Variants in HECW2 observed in about 807,000 individuals in gnomAD.
The protein encoded by HECW2 is HECT, C2 and WW domain containing E3 ubiquitin protein ligase 2.
In HECW2, 61 loss-of-function variants were observed where a neutral mutation model predicts 175.2. That is an observed-to-expected ratio of 0.35 (90% CI 0.28 to 0.43). HECW2 has a LOEUF of 0.43. Among genes scored for constraint, HECW2 ranks in the 20% least tolerant of loss-of-function variants. The pLI, the probability that HECW2 is intolerant of heterozygous loss-of-function variation, is 1.00. For synonymous variants in HECW2, 671 were observed against 731.0 expected, an observed-to-expected ratio of 0.92 and a Z score of 1.32; for missense variants, 1,524 against 2,000.5, an observed-to-expected ratio of 0.76 and a Z score of 4.54.
At chr2:196,561,008 A>G (rs773185470) in intron 1 of HECW2, among the ~76,000 whole-genome samples, 4 of 152,210 alleles carry the variant, frequency 2.6e-5, no homozygotes, top group Non-Finnish European at 4.4e-5. Context: ...GAATAGGATA[A>G]CAGCGATGTT....
chr2:196,219,958 C>A, intron 26 of HECW2, 81 bp downstream of exon 26: 1 of 885,146 alleles, frequency 1.1e-6, no homozygotes, highest in Non-Finnish European at 1.9e-6. Context: ...TGTTGCCTGT[C>A]CTATATTCAG....
At chr2:196,437,611 CA>C (rs59563276) in intron 1 of HECW2, among the ~76,000 whole-genome samples, 8 of 55,786 alleles carry the variant, frequency 1.4e-4, no homozygotes, top group Admixed American at 6.3e-4. Context: ...GACTCTGTCT[CA>C]AAAAAAAAAA....
At chr2:196,440,533 T>G (rs754385830) in intron 1 of HECW2, among the ~76,000 whole-genome samples, 1 of 152,180 alleles carries the variant, frequency 6.6e-6, no homozygotes, top group Non-Finnish European at 1.5e-5. Flanking sequence ...AATTTGAGTT[T>G]TAGCTACCCT....
intron 1 of HECW2, among the ~76,000 whole-genome samples, chr2:196,585,324 T>C (rs1690935709): frequency 6.6e-6 from 1 of 152,220 alleles, no homozygotes; most frequent in Admixed American, 6.5e-5. Context: ...TAAGGTTCAA[T>C]GAATAATGCA....
intron 2 of HECW2, among the ~76,000 whole-genome samples, chr2:196,364,908 G>T (rs536318334): frequency 6.6e-6 from 1 of 152,284 alleles, no homozygotes; most frequent in East Asian, 1.9e-4. Flanking sequence ...GAAGGGATGA[G>T]GCTGGTGAAG....
rs1686646306 is a variant in HECW2, at chr2:196,195,171, T to C, written c.*6106A>G. On this transcript the variant is annotated 3_prime_UTR_variant, in exon 29 of 29. Transcript: ENST00000644978. ...AGGGTCCTAAAAGAACATCCCATTC[T>C]GTGTTAATTCCTGGTTAATCCTTCC... The C allele has an allele frequency of 6.6e-6, 1 of 152,242 alleles. No individual in the cohort carries two copies. The highest frequency in any genetic ancestry group is 2.4e-5 in the African/African-American group (1 of 41,466). 9.4% of individuals were successfully genotyped at this position (152,242 alleles called of 1,614,324 possible). A position where few individuals can be genotyped will look rare whatever the true frequency, so the allele number is the denominator to read the frequency against.
intron 28 of HECW2, among the ~76,000 whole-genome samples, chr2:196,201,763 G>A (rs1472406995): frequency 6.6e-6 from 1 of 151,980 alleles, no homozygotes; most frequent in African/African-American, 2.4e-5. Context: ...GCCTTGCAAA[G>A]TAGTTCATTT....
intron 21 of HECW2, among the ~76,000 whole-genome samples, chr2:196,237,753 T>C (rs1373566456): frequency 6.6e-6 from 1 of 152,256 alleles, no homozygotes; most frequent in Admixed American, 6.5e-5. Flanking sequence ...ATTTTGTTGC[T>C]CAAATTATCT....
At chr2:196,579,390 A>G (rs1690683887) in intron 1 of HECW2, among the ~76,000 whole-genome samples, 1 of 152,136 alleles carries the variant, frequency 6.6e-6, no homozygotes, top group African/African-American at 2.4e-5. Context: ...AACAGGAAAG[A>G]GACAGACATA....
intron 21 of HECW2, 51 bp downstream of exon 21, chr2:196,240,398 G>A (rs761307025): frequency 6.3e-5 from 82 of 1,309,796 alleles, no homozygotes; most frequent in Non-Finnish European, 8.4e-5. Context: ...AGAAACATCC[G>A]CCTTGTGGCC....
intron 2 of HECW2, among the ~76,000 whole-genome samples, chr2:196,352,107 T>G (rs980996281): frequency 6.6e-6 from 1 of 152,238 alleles, no homozygotes; most frequent in African/African-American, 2.4e-5. Flanking sequence ...AACTTCCTTA[T>G]GAATTTGCAA....
chr2:196,441,461 A>G (rs1696042118), intron 1 of HECW2, among the ~76,000 whole-genome samples: 1 of 152,138 alleles, frequency 6.6e-6, no homozygotes, highest in Non-Finnish European at 1.5e-5. Flanking sequence ...TACTATCTAA[A>G]TGAGGAAAAC....
rs1418875889 is a variant in HECW2, at chr2:196,248,625, C to CAGAG, written c.3529+5294_3529+5295insCTCT. Reference sequence around the variant, plus strand: ...ACACACACACACACACACACACACACACACACAGAGAGAGACAGAGAGGAA... The same window carrying CAGAG: ...ACACACACACACACACACACACACACAGAGACACACAGAGAGAGACAGAGAGGAA... On this transcript the variant is annotated intron_variant, in intron 19 of 28. Coordinates refer to ENST00000644978, the MANE Select transcript of HECW2 (RefSeq NM_001348768.2). 4.6e-3 allele frequency among the ~76,000 whole-genome samples: 660 copies of CAGAG among 144,046 alleles called. 5 individuals are homozygous for CAGAG. Among genetic ancestry groups the CAGAG allele is most frequent in the African/African-American group, 0.015 (515 of 34,506 alleles). 94.5% of individuals were successfully genotyped at this position (144,046 alleles called of 152,430 possible).
intron 28 of HECW2, among the ~76,000 whole-genome samples, chr2:196,201,769 C>A (rs1251609104): frequency 6.6e-6 from 1 of 151,606 alleles, no homozygotes; most frequent in Admixed American, 6.6e-5. Flanking sequence ...CAAAGTAGTT[C>A]ATTTTGAGTT....
At chr2:196,216,074 C>A in intron 27 of HECW2, 97 bp from the exon 28 acceptor site, 1 of 787,760 alleles carries the variant, frequency 1.3e-6, no homozygotes, top group Non-Finnish European at 2.1e-6. Context: ...TGAGGAAGAG[C>A]AGGCAGGAAA....
chr2:196,286,968 C>T (rs188037460), intron 14 of HECW2, among the ~76,000 whole-genome samples: 57 of 152,322 alleles, frequency 3.7e-4, no homozygotes, highest in South Asian at 1.7e-3. Context: ...CCATCAGTTT[C>T]ATGCAAGATT....
At chr2:196,451,541 C>A (rs1000716754) in intron 1 of HECW2, among the ~76,000 whole-genome samples, 2 of 151,936 alleles carry the variant, frequency 1.3e-5, no homozygotes. Flanking sequence ...TATCTCTGAT[C>A]TTTCTAACAT....
intron 1 of HECW2, among the ~76,000 whole-genome samples, chr2:196,472,334 A>C (rs1697236804): frequency 6.7e-6 from 1 of 150,038 alleles, no homozygotes; most frequent in Non-Finnish European, 1.5e-5. Flanking sequence ...AAATACAAAA[A>C]TTTGGGGGTG....
At chr2:196,515,861 T>C (rs1393551827) in intron 1 of HECW2, among the ~76,000 whole-genome samples, 4 of 151,892 alleles carry the variant, frequency 2.6e-5, no homozygotes, top group Non-Finnish European at 5.9e-5. Flanking sequence ...TGGTGGCTCA[T>C]GCCTGTAATC....
Sources: gnomAD v4.1 joint callset for allele counts (sites outside exome capture counted in the v4.1 genomes callset) on GRCh38, gnomAD v4.1.1 for gene constraint, MANE v1.5 for transcripts, NCBI Gene and HGNC (gene_info 2026-07-23, HGNC 2026-07-21) for gene names.